TDRP: variants seen among roughly 807,000 people sequenced by gnomAD.
TDRP encodes testis development-related protein.
In TDRP, 12 loss-of-function variants were observed where a neutral mutation model predicts 10.5. The ratio of observed to expected loss-of-function variants is 1.15; its 90% CI spans 0.73 to 1.86. TDRP has a LOEUF of 1.86. TDRP is among the 40% of genes most tolerant of loss of function. The pLI, the probability that TDRP is intolerant of heterozygous loss-of-function variation, is 0.00. For synonymous variants in TDRP, 139 were observed against 95.4 expected, an observed-to-expected ratio of 1.46 and a Z score of -2.67; for missense variants, 353 against 229.2, an observed-to-expected ratio of 1.54 and a Z score of -3.49.
chr8:501,902 C>A lies in TDRP; in HGVS notation c.109-7305G>T, dbSNP rs185881072. ...GGAACATGGAAGGAGCTGTGCATGA[C>A]CCTGACCCACCCTCTCCAAAGCCCA... On this transcript the variant is annotated intron_variant, in intron 1 of 2. Coordinates refer to ENST00000324079, the MANE Select transcript of TDRP (RefSeq NM_001384899.1). 2.6e-3 allele frequency among the ~76,000 whole-genome samples: 401 copies of A among 152,274 alleles called. 3 individuals carry two copies. The highest frequency in any genetic ancestry group is 9.3e-3 in the African/African-American group (386 of 41,564).
intron 1 of TDRP, among the ~76,000 whole-genome samples, chr8:529,901 G>C (rs1055418955): frequency 2.0e-5 from 3 of 152,062 alleles, no homozygotes; most frequent in African/African-American, 7.2e-5. Context: ...TGAGATTCTT[G>C]AATCTGGATG....
chr8:500,535 C>G (rs988951385), intron 1 of TDRP, among the ~76,000 whole-genome samples: 4 of 152,236 alleles, frequency 2.6e-5, no homozygotes, highest in African/African-American at 9.7e-5. Context: ...GTGACACTCT[C>G]AGAAGTGCCA....
At chr8:519,275 T>C (rs1801834928) in intron 1 of TDRP, among the ~76,000 whole-genome samples, 1 of 152,158 alleles carries the variant, frequency 6.6e-6, no homozygotes, top group African/African-American at 2.4e-5. Flanking sequence ...CCCTTTGCTA[T>C]CTCTCTTCTG....
At chr8:523,301 A>G (rs553979135) in intron 1 of TDRP, among the ~76,000 whole-genome samples, 2 of 152,282 alleles carry the variant, frequency 1.3e-5, no homozygotes, top group South Asian at 4.1e-4. Context: ...CCTTTATGCT[A>G]TTCCTATCAC....
chr8:536,115 G>A (rs1802343286), intron 1 of TDRP, among the ~76,000 whole-genome samples: 1 of 152,212 alleles, frequency 6.6e-6, no homozygotes, highest in Non-Finnish European at 1.5e-5. Context: ...ATTTACAGGT[G>A]AAGATTATAC....
chr8:513,154 T>C (rs1453593808), intron 1 of TDRP, among the ~76,000 whole-genome samples: 2 of 150,824 alleles, frequency 1.3e-5, no homozygotes, highest in East Asian at 3.9e-4. Flanking sequence ...TCTAACTCAT[T>C]TTGTGAGGGC....
At chr8:519,452 T>C (rs1269648846) in intron 1 of TDRP, among the ~76,000 whole-genome samples, 2 of 152,170 alleles carry the variant, frequency 1.3e-5, no homozygotes, top group East Asian at 3.8e-4. Flanking sequence ...ACATCAACTC[T>C]ACCATCTTAA....
At chr8:513,288 A>C (rs1317985284) in intron 1 of TDRP, among the ~76,000 whole-genome samples, 2 of 152,144 alleles carry the variant, frequency 1.3e-5, no homozygotes, top group Non-Finnish European at 2.9e-5. Context: ...CTGAATCCAA[A>C]AACATTAAAA....
At chr8:533,633 G>A (rs531868595) in intron 1 of TDRP, among the ~76,000 whole-genome samples, 1 of 152,214 alleles carries the variant, frequency 6.6e-6, no homozygotes, top group African/African-American at 2.4e-5. Context: ...CAACCAAGGG[G>A]TTACTCAGAA....
chr8:493,725 C>G (rs1801046285), intron 2 of TDRP, among the ~76,000 whole-genome samples: 1 of 152,142 alleles, frequency 6.6e-6, no homozygotes, highest in Non-Finnish European at 1.5e-5. Context: ...AAATCTTTTA[C>G]AGTTTACCAG....
chr8:535,090 C>A (rs1305271422), intron 1 of TDRP, among the ~76,000 whole-genome samples: 1 of 152,164 alleles, frequency 6.6e-6, no homozygotes, highest in Non-Finnish European at 1.5e-5. Context: ...CATTTTTGTA[C>A]AGAATATTGT....
At chr8:535,681 A>C (rs1802326095) in intron 1 of TDRP, among the ~76,000 whole-genome samples, 1 of 151,070 alleles carries the variant, frequency 6.6e-6, no homozygotes, top group Non-Finnish European at 1.5e-5. Flanking sequence ...CAGAAGACAG[A>C]CTGCAGGGCC....
intron 1 of TDRP, among the ~76,000 whole-genome samples, chr8:502,626 G>A (rs1182337378): frequency 6.6e-6 from 1 of 152,220 alleles, no homozygotes; most frequent in Non-Finnish European, 1.5e-5. Flanking sequence ...GGAATCCAGA[G>A]CCACACACTG....
At chr8:541,354 G>C (rs1311800139) in intron 1 of TDRP, among the ~76,000 whole-genome samples, 1 of 152,206 alleles carries the variant, frequency 6.6e-6, no homozygotes, top group Non-Finnish European at 1.5e-5. Context: ...CTTGGGTACA[G>C]TGATGGCTTT....
At chr8:544,295 G>A (rs898024787) in intron 1 of TDRP, among the ~76,000 whole-genome samples, 3 of 151,972 alleles carry the variant, frequency 2.0e-5, no homozygotes, top group Admixed American at 6.5e-5. Flanking sequence ...CCGCGCCGCG[G>A]GGTGCGCGCA....
At chr8:522,004 A>T (rs6999419) in intron 1 of TDRP, among the ~76,000 whole-genome samples, 98,551 of 151,816 alleles carry the variant, frequency 0.65, 32,419 homozygotes, top group Middle Eastern at 0.71. Context: ...CTTAATTTCC[A>T]TTTGGGATTT....
rs926666563 is a variant in TDRP at position 490,548 on chromosome 8, T to A, written c.*1851A>T. On this transcript the variant is annotated 3_prime_UTR_variant, in exon 3 of 3. Transcript: ENST00000324079. ...GTTTCAAACACAGTGTTTACATTCC[T>A]GCGCAGCAAGACCATGTTAGCCAAA... is the stretch of plus-strand genomic sequence containing the variant. 6.6e-6 allele frequency: 1 copy of A among 152,208 alleles called. No homozygotes were observed. The highest frequency in any genetic ancestry group is 1.5e-5 in the Non-Finnish European group (1 of 68,030). The allele number at this position is 152,208 out of a possible 1,614,324, so 9.4% of individuals were successfully genotyped here.
At chr8:521,819 G>C (rs948799270) in intron 1 of TDRP, among the ~76,000 whole-genome samples, 4 of 152,106 alleles carry the variant, frequency 2.6e-5, no homozygotes, top group Non-Finnish European at 5.9e-5. Flanking sequence ...ATTGCTGTGG[G>C]TAATATGGAC....
At chr8:543,609 A>C (rs1303594487) in intron 1 of TDRP, among the ~76,000 whole-genome samples, 1 of 152,008 alleles carries the variant, frequency 6.6e-6, no homozygotes, top group African/African-American at 2.4e-5. Context: ...TTTCTCAGAC[A>C]AGTTCAGATA....
Sources: allele counts gnomAD v4.1 joint callset (sites outside exome capture counted in the v4.1 genomes callset), GRCh38; gene constraint gnomAD v4.1.1; transcripts MANE v1.5; gene names NCBI Gene and HGNC (gene_info 2026-07-23, HGNC 2026-07-21).